CNTN4: variants seen among roughly 807,000 people sequenced by gnomAD.
The protein encoded by CNTN4 is contactin 4.
A neutral mutation model predicts 122.5 loss-of-function variants in CNTN4; 77 were observed. That is an observed-to-expected ratio of 0.63 (90% confidence interval 0.52 to 0.76). CNTN4 has a LOEUF of 0.76. Ranked by LOEUF, CNTN4 falls within the 30% of genes least tolerant of loss-of-function variation. The pLI is 0.00. For synonymous variants in CNTN4, 512 were observed against 447.0 expected (o/e 1.15, Z -1.83); for missense variants, 1,256 against 1,259.1 (o/e 1.00, Z 0.04).
At chr3:2,656,189 T>G (rs2083583922) in intron 4 of CNTN4, among the ~76,000 whole-genome samples, 1 of 152,238 alleles carries the variant, frequency 6.6e-6, no homozygotes, top group South Asian at 2.1e-4. Context: ...GAAGGACAGA[T>G]GTAATCTCAT....
intron 4 of CNTN4, among the ~76,000 whole-genome samples, chr3:2,608,863 C>A (rs879851567): frequency 7.9e-5 from 12 of 152,184 alleles, no homozygotes; most frequent in African/African-American, 2.7e-4. Context: ...CTATCTGATT[C>A]TTCTTTTCTT....
intron 6 of CNTN4, among the ~76,000 whole-genome samples, chr3:2,764,455 G>A (rs1026007765): frequency 6.6e-6 from 1 of 152,172 alleles, no homozygotes; most frequent in African/African-American, 2.4e-5. Context: ...CAAGGGATTC[G>A]AAGAAGACCT....
In CNTN4 at chr3:2,797,336, C is replaced by T. The variant is rs561425302; in HGVS notation, c.359-22150C>T. ...AAGCTACACTGGGAATGGTGGCTTA[C>T]GCCTGTAATCCCAACACTTTGGGAG... is the stretch of plus-strand genomic sequence containing the variant. On this transcript the variant is annotated intron_variant, in intron 6 of 24. Coordinates refer to ENST00000418658, the MANE Select transcript of CNTN4 (RefSeq NM_175607.3). Among the ~76,000 whole-genome samples the T allele has an allele frequency of 5.3e-5, 8 of 152,148 alleles. No homozygotes were observed. In the South Asian group the frequency reaches 6.2e-4, roughly 12 times the overall value.
At chr3:2,391,123 C>G (rs1013618584) in intron 3 of CNTN4, among the ~76,000 whole-genome samples, 4 of 152,142 alleles carry the variant, frequency 2.6e-5, no homozygotes, top group African/African-American at 9.7e-5. Flanking sequence ...CTGTGGGCAT[C>G]TTGCTAACAT....
At chr3:3,032,117 T>C (rs576161890) in intron 16 of CNTN4, among the ~76,000 whole-genome samples, 2 of 152,264 alleles carry the variant, frequency 1.3e-5, no homozygotes, top group South Asian at 4.1e-4. Context: ...TTAAAAAAAC[T>C]TTCAGCAACA....
intron 4 of CNTN4, among the ~76,000 whole-genome samples, chr3:2,620,722 T>G (rs528249150): frequency 6.6e-6 from 1 of 152,220 alleles, no homozygotes; most frequent in African/African-American, 2.4e-5. Context: ...AAATCGGACT[T>G]TAGAAAATCT....
intron 2 of CNTN4, among the ~76,000 whole-genome samples, chr3:2,117,978 A>T (rs1233138416): frequency 6.8e-6 from 1 of 147,658 alleles, no homozygotes; most frequent in African/African-American, 2.7e-5. Flanking sequence ...ATTATAATAA[A>T]AACTTTTTCT....
chr3:2,571,536 A>G lies in CNTN4; in HGVS notation c.33A>G (p.Gln11=), dbSNP rs901678946. 26 of 1,613,794 alleles carry G rather than the reference A, an allele frequency of 1.6e-5. No homozygotes were observed. The highest frequency in any genetic ancestry group is 3.3e-5 in the Admixed American group (2 of 60,000). ...TGCCATGGGAACTGCTGGTACTGCA[A>G]TCATTCATTTTGTGCCTTGCAGGTA... is the stretch of plus-strand genomic sequence containing the variant. MRLPWELLVL[Q]SFILCLADDS... is the part of the protein sequence containing the mutation. The change falls in exon 4 of 25, where the codon CAA becomes CAG. Residue 11 remains glutamine, a synonymous_variant. Coordinates refer to ENST00000418658, the MANE Select transcript of CNTN4 (RefSeq NM_175607.3).
Position 3,037,279 on chromosome 3 carries a change from G to T in CNTN4, c.2043G>T (p.Gly681=). 6.2e-7 allele frequency: 1 copy of T among 1,614,200 alleles called. No homozygotes were observed. Residue 681 remains glycine, a synonymous_variant, in exon 18 of 25, where the codon GGG becomes GGT. Transcript: ENST00000418658. ...EFRTVAANVI[G]IGEPSRPSEK... is the part of the protein sequence containing the mutation. ...GCACAGTTGCAGCCAACGTGATTGG[G>T]ATTGGGGAGCCCAGCCGCCCCTCAG...
chr3:2,393,182 CTGAG>C (rs2150901991), intron 3 of CNTN4, among the ~76,000 whole-genome samples: 1 of 152,252 alleles, frequency 6.6e-6, no homozygotes, highest in South Asian at 2.1e-4. Context: ...GGTGTTCTGC[CTGAG>C]TGAGTACATG....
At chr3:2,326,051 C>T (rs2043442826) in intron 2 of CNTN4, among the ~76,000 whole-genome samples, 1 of 129,630 alleles carries the variant, frequency 7.7e-6, no homozygotes, top group Non-Finnish European at 1.7e-5. Flanking sequence ...TATTTGATCA[C>T]ATTATTAGTC....
At chr3:2,678,738 C>T (rs2085007110) in intron 4 of CNTN4, among the ~76,000 whole-genome samples, 2 of 152,176 alleles carry the variant, frequency 1.3e-5, no homozygotes, top group South Asian at 2.1e-4. Flanking sequence ...AAATGCCAGG[C>T]CCATGAGATA....
chr3:2,199,975 A>C (rs1291754049), intron 2 of CNTN4, among the ~76,000 whole-genome samples: 2 of 152,212 alleles, frequency 1.3e-5, no homozygotes, highest in Non-Finnish European at 2.9e-5. Flanking sequence ...ATGAGCTATC[A>C]GAGAAATAAA....
At chr3:2,360,165 A>T (rs749202897) in intron 3 of CNTN4, among the ~76,000 whole-genome samples, 11 of 152,186 alleles carry the variant, frequency 7.2e-5, no homozygotes, top group Non-Finnish European at 1.2e-4. Flanking sequence ...GTCACAGGAG[A>T]GGTGACATTG....
intron 14 of CNTN4, among the ~76,000 whole-genome samples, chr3:3,012,614 T>C (rs1046150451): frequency 8.6e-5 from 13 of 151,676 alleles, no homozygotes; most frequent in African/African-American, 2.4e-4. Flanking sequence ...CACACCCAGC[T>C]AATTTTTTGT....
At chr3:2,750,393 G>A (rs1336593779) in intron 6 of CNTN4, among the ~76,000 whole-genome samples, 1 of 152,168 alleles carries the variant, frequency 6.6e-6, no homozygotes, top group Non-Finnish European at 1.5e-5. Context: ...ACTTAGTCAT[G>A]TCTTGTATTA....
chr3:2,478,707 G>C (rs1037303280), intron 3 of CNTN4, among the ~76,000 whole-genome samples: 1 of 152,058 alleles, frequency 6.6e-6, no homozygotes, highest in African/African-American at 2.4e-5. Context: ...TCCTGCGTTA[G>C]TTTGCTAAGG....
chr3:2,275,024 C>G (rs1415128074), intron 2 of CNTN4, among the ~76,000 whole-genome samples: 1 of 152,134 alleles, frequency 6.6e-6, no homozygotes, highest in Non-Finnish European at 1.5e-5. Flanking sequence ...AAGTGGATAT[C>G]ATTTATTATT....
At chr3:2,990,370 G>C (rs974173236) in intron 14 of CNTN4, among the ~76,000 whole-genome samples, 4 of 152,100 alleles carry the variant, frequency 2.6e-5, no homozygotes, top group African/African-American at 9.7e-5. Context: ...GCATAGAGAA[G>C]TGAGCCTATA....
Sources: allele counts gnomAD v4.1 joint callset (sites outside exome capture counted in the v4.1 genomes callset), GRCh38; gene constraint gnomAD v4.1.1; transcripts MANE v1.5; gene names NCBI Gene and HGNC (gene_info 2026-07-23, HGNC 2026-07-21).